SWAP70: variants seen among roughly 807,000 people sequenced by gnomAD.
The protein encoded by SWAP70 is switching B cell complex subunit SWAP70.
In SWAP70, 34 loss-of-function variants were observed where a neutral mutation model predicts 80.2. The observed-to-expected ratio is 0.42, with a 90% CI of 0.32 to 0.56. The LOEUF is 0.56. SWAP70 is among the 20% of genes least tolerant of loss of function. The pLI, the probability that SWAP70 is intolerant of heterozygous loss-of-function variation, is 0.09. For synonymous variants in SWAP70, 239 were observed against 238.5 expected, an observed-to-expected ratio of 1.00 and a Z score of -0.02; for missense variants, 578 against 690.7, an observed-to-expected ratio of 0.84 and a Z score of 1.83.
At chr11:9,697,274 CTT>C (rs5789613) in intron 2 of SWAP70, among the ~76,000 whole-genome samples, 21 of 143,574 alleles carry the variant, frequency 1.5e-4, no homozygotes, top group East Asian at 2.0e-4. Flanking sequence ...AGTCAGGATT[CTT>C]TTTTTTTTTT....
rs562480318 is a variant in SWAP70, at chr11:9,694,020, C to A, written c.100-126C>A. ...GGGCTTGCAGCTGAGCAGTCCTCACCCTGTTTTTGCTAGTTTATTTTCCAT... is the reference window on the plus strand; with the variant it reads ...GGGCTTGCAGCTGAGCAGTCCTCACACTGTTTTTGCTAGTTTATTTTCCAT... On this transcript the variant is annotated intron_variant, in intron 1 of 11. Coordinates refer to ENST00000318950, the MANE Select transcript of SWAP70 (RefSeq NM_015055.4). 6.0e-5 allele frequency: 73 copies of A among 1,224,142 alleles called. 3 individuals carry two copies. In the South Asian group the frequency reaches 1.3e-3, roughly 22 times the overall value. The allele number at this position is 1,224,142 out of a possible 1,614,324, so 75.8% of individuals were successfully genotyped here. A position where few individuals can be genotyped will look rare whatever the true frequency, so the allele number is the denominator to read the frequency against.
intron 2 of SWAP70, among the ~76,000 whole-genome samples, chr11:9,703,102 T>C (rs1459524910): frequency 6.6e-6 from 1 of 152,140 alleles, no homozygotes; most frequent in African/African-American, 2.4e-5. Flanking sequence ...CCCCTATAGC[T>C]CTAGGCAAGT....
At chr11:9,734,473 A>C (rs1197447459) in intron 7 of SWAP70, among the ~76,000 whole-genome samples, 2 of 152,118 alleles carry the variant, frequency 1.3e-5, no homozygotes, top group Non-Finnish European at 2.9e-5. Context: ...CTTTCCCACT[A>C]CCTAGGTTTA....
chr11:9,740,205 G>C lies in SWAP70; in HGVS notation c.1213G>C (p.Val405Leu). 1 of 1,614,136 alleles carries C rather than the reference G, an allele frequency of 6.2e-7. No individual in the cohort carries two copies. Among genetic ancestry groups the C allele is most frequent in the Non-Finnish European group, 8.5e-7 (1 of 1,180,008 alleles). Residue 405 changes from valine (V) to leucine (L), a missense_variant, in exon 9 of 12, where the codon GTT becomes CTT. Physicochemically the swap from Val to Leu is conservative, Grantham distance 32. Coordinates refer to ENST00000318950, the MANE Select transcript of SWAP70 (RefSeq NM_015055.4). ...GATCAGACAGCAGATGGAAGAACAG[G>C]TTGCTCAAAAGTCCTCTGAACTGGA... ...KLIRQQMEEQVAQKSSELEQY... is the reference protein window; with the variant it reads ...KLIRQQMEEQLAQKSSELEQY...
At chr11:9,679,650 A>T (rs1295771227) in intron 1 of SWAP70, among the ~76,000 whole-genome samples, 1 of 151,918 alleles carries the variant, frequency 6.6e-6, no homozygotes, top group Non-Finnish European at 1.5e-5. Flanking sequence ...TTTGCTTTTT[A>T]TTTTTTATAT....
intron 6 of SWAP70, among the ~76,000 whole-genome samples, chr11:9,729,912 CAA>C (rs537592941): frequency 7.2e-5 from 11 of 152,124 alleles, no homozygotes; most frequent in Non-Finnish European, 1.6e-4. Flanking sequence ...GATGCGCTCT[CAA>C]AGTTTTCATT....
At chr11:9,716,932 C>T (rs968121093) in intron 3 of SWAP70, among the ~76,000 whole-genome samples, 10 of 152,116 alleles carry the variant, frequency 6.6e-5, no homozygotes, top group African/African-American at 9.7e-5. Flanking sequence ...GAATTGAACA[C>T]GCTATGAGGT....
At position 9,681,585 on chromosome 11, in the gene SWAP70, A is replaced by T. The variant is rs141919126; in HGVS notation, c.100-12561A>T. ...TTGGGGGACTTGTTAGTGGGGTGCT[A>T]TGAAGTCTGGGTAAGTTGGTGAGTG... On this transcript the variant is annotated intron_variant, in intron 1 of 11. Coordinates refer to ENST00000318950, the MANE Select transcript of SWAP70 (RefSeq NM_015055.4). Among the ~76,000 whole-genome samples, 10 of 152,278 alleles carry T rather than the reference A, an allele frequency of 6.6e-5. No individual in the cohort carries two copies. The South Asian group carries it at 2.1e-3, about 32-fold the overall frequency.
chr11:9,672,281 A>G (rs1002340189), intron 1 of SWAP70, among the ~76,000 whole-genome samples: 1 of 139,320 alleles, frequency 7.2e-6, no homozygotes, highest in South Asian at 2.2e-4. Flanking sequence ...TAAACTTCAT[A>G]TTTCTTCTCT....
At chr11:9,682,834 G>A (rs1266353350) in intron 1 of SWAP70, among the ~76,000 whole-genome samples, 1 of 152,054 alleles carries the variant, frequency 6.6e-6, no homozygotes, top group African/African-American at 2.4e-5. Flanking sequence ...GTGCCACCAC[G>A]CCCAGCTAAT....
chr11:9,737,550 T>G (rs1243711414), intron 7 of SWAP70, among the ~76,000 whole-genome samples: 1 of 152,158 alleles, frequency 6.6e-6, no homozygotes, highest in East Asian at 1.9e-4. Flanking sequence ...TTATAATGAA[T>G]AATGTATAAG....
chr11:9,743,994 G>A (rs971547179), intron 9 of SWAP70, among the ~76,000 whole-genome samples: 3 of 144,228 alleles, frequency 2.1e-5, no homozygotes, highest in Non-Finnish European at 4.5e-5. Context: ...ACGGAGTCTC[G>A]CTCTGTCACC....
At chr11:9,735,642 T>G (rs183444750) in intron 7 of SWAP70, among the ~76,000 whole-genome samples, 323 of 152,332 alleles carry the variant, frequency 2.1e-3, no homozygotes, top group Non-Finnish European at 2.4e-3. Flanking sequence ...GTTCTAGGGT[T>G]TGGCAATGCG....
At chr11:9,693,821 T>G (rs1051921556) in intron 1 of SWAP70, among the ~76,000 whole-genome samples, 7 of 151,748 alleles carry the variant, frequency 4.6e-5, no homozygotes, top group African/African-American at 1.5e-4. Context: ...TCTCTTAGAC[T>G]TCCCCCCCCA....
intron 9 of SWAP70, among the ~76,000 whole-genome samples, chr11:9,746,245 G>A (rs1038443741): frequency 2.6e-5 from 4 of 152,120 alleles, no homozygotes; most frequent in African/African-American, 9.7e-5. Context: ...ATTCTATAGC[G>A]GGAAATGAGC....
At chr11:9,712,347 A>G (rs1015227133) in intron 2 of SWAP70, among the ~76,000 whole-genome samples, 4 of 152,128 alleles carry the variant, frequency 2.6e-5, no homozygotes, top group South Asian at 4.1e-4. Flanking sequence ...ATTTATTTGC[A>G]TATCTGTTTT....
chr11:9,706,777 A>C (rs1460600473), intron 2 of SWAP70, among the ~76,000 whole-genome samples: 1 of 152,010 alleles, frequency 6.6e-6, no homozygotes, highest in Non-Finnish European at 1.5e-5. Context: ...GTGTACCTTC[A>C]TGTCATATCT....
chr11:9,749,073 C>T lies in SWAP70; in HGVS notation c.1555-14C>T. 1.9e-6 allele frequency: 3 copies of T among 1,599,840 alleles called. No individual in the cohort carries two copies. Among genetic ancestry groups the T allele is most frequent in the African/African-American group, 1.3e-5 (1 of 74,514 alleles). On this transcript the variant is annotated splice_polypyrimidine_tract_variant and intron_variant, in intron 10 of 11. Coordinates refer to ENST00000318950, the MANE Select transcript of SWAP70 (RefSeq NM_015055.4). ...CCGTGTGTCTGCATAGTCCAAAATCCACTTTTGTTTCAGGAAGTTAAAAAG... is the reference window on the plus strand; with the variant it reads ...CCGTGTGTCTGCATAGTCCAAAATCTACTTTTGTTTCAGGAAGTTAAAAAG...
At chr11:9,744,830 T>C (rs1264421860) in intron 9 of SWAP70, among the ~76,000 whole-genome samples, 2 of 151,960 alleles carry the variant, frequency 1.3e-5, no homozygotes, top group South Asian at 4.1e-4. Context: ...ATCCAGGAGG[T>C]AGAGGTTGCA....
Sources: allele counts gnomAD v4.1 joint callset (sites outside exome capture counted in the v4.1 genomes callset), GRCh38; gene constraint gnomAD v4.1.1; transcripts MANE v1.5; gene names NCBI Gene and HGNC (gene_info 2026-07-23, HGNC 2026-07-21).